Variants in SDK1 observed in about 807,000 individuals in gnomAD.
SDK1 encodes the protein protein sidekick-1.
Under a neutral mutation model 245.5 loss-of-function variants are expected in SDK1, and 157 were observed. The ratio of observed to expected loss-of-function variants is 0.64; its 90% CI spans 0.56 to 0.73. SDK1 has a LOEUF of 0.73. Ranked by LOEUF, SDK1 falls within the 30% of genes least tolerant of loss-of-function variation. SDK1 has a pLI of 0.00. For missense variants in SDK1, 3,583 were observed against 3,002.3 expected, an observed-to-expected ratio of 1.19 and a Z score of -4.52; for synonymous variants, 1,647 against 1,278.5, an observed-to-expected ratio of 1.29 and a Z score of -6.15.
At chr7:3,652,661 A>T (rs972146442) in intron 4 of SDK1, among the ~76,000 whole-genome samples, 5 of 152,216 alleles carry the variant, frequency 3.3e-5, no homozygotes, top group African/African-American at 9.6e-5. Context: ...CTAGGGAAAC[A>T]TGCCAGACTT....
chr7:4,055,560 T>G (rs1051680473), intron 19 of SDK1, among the ~76,000 whole-genome samples: 1 of 81,756 alleles, frequency 1.2e-5, no homozygotes, highest in Non-Finnish European at 2.1e-5. Context: ...GTTGTTTTTG[T>G]TTTTTGTTTT....
chr7:3,380,962 A>C (rs996027764), intron 1 of SDK1, among the ~76,000 whole-genome samples: 22 of 152,304 alleles, frequency 1.4e-4, no homozygotes, highest in African/African-American at 5.1e-4. Flanking sequence ...TGTTTTTCAA[A>C]CTGGAGCACA....
At chr7:4,243,580 A>G (rs944667901) in intron 43 of SDK1, among the ~76,000 whole-genome samples, 2 of 152,176 alleles carry the variant, frequency 1.3e-5, no homozygotes, top group African/African-American at 4.8e-5. Context: ...AGGCAAAGAG[A>G]GAGTTTGTGT....
intron 1 of SDK1, among the ~76,000 whole-genome samples, chr7:3,479,421 C>CAAAAAA (rs56094646): frequency 4.5e-5 from 3 of 66,570 alleles, no homozygotes; most frequent in South Asian, 6.3e-4. Flanking sequence ...GACTGTGTCT[C>CAAAAAA]AAAAAAAAAA....
intron 4 of SDK1, among the ~76,000 whole-genome samples, chr7:3,785,914 C>T (rs1384737522): frequency 1.3e-5 from 2 of 152,110 alleles, no homozygotes; most frequent in Non-Finnish European, 2.9e-5. Flanking sequence ...AGAAATATTC[C>T]TTGAGGAAAT....
At chr7:3,358,961 AT>A (rs1228463965) in intron 1 of SDK1, among the ~76,000 whole-genome samples, 1 of 152,180 alleles carries the variant, frequency 6.6e-6, no homozygotes, top group African/African-American at 2.4e-5. Context: ...TCCCAAGAAT[AT>A]CTTAATCACA....
At chr7:3,713,052 A>T (rs1018983655) in intron 4 of SDK1, among the ~76,000 whole-genome samples, 2 of 152,228 alleles carry the variant, frequency 1.3e-5, no homozygotes, top group Non-Finnish European at 2.9e-5. Context: ...TGGCTGGGGC[A>T]TGGCAGGGTG....
At position 4,041,752 on chromosome 7, in the gene SDK1, G is replaced by A. The variant is rs181868388; in HGVS notation, c.2603-7596G>A. ...TCACTGAGGAATGTTTAATGCATGCGTGTCGTGAAAACACAGCATATATAT... is the reference window on the plus strand; with the variant it reads ...TCACTGAGGAATGTTTAATGCATGCATGTCGTGAAAACACAGCATATATAT... On this transcript the variant is annotated intron_variant, in intron 17 of 44. Coordinates refer to ENST00000404826, the MANE Select transcript of SDK1 (RefSeq NM_152744.4). 5.3e-4 allele frequency among the ~76,000 whole-genome samples: 72 copies of A among 136,366 alleles called. 10 individuals carry two copies. Among genetic ancestry groups the A allele is most frequent in the Non-Finnish European group, 2.3e-4 (15 of 65,918 alleles). 89.5% of individuals were successfully genotyped at this position (136,366 alleles called of 152,430 possible).
At chr7:3,510,006 C>T (rs1182512718) in intron 1 of SDK1, among the ~76,000 whole-genome samples, 4 of 152,162 alleles carry the variant, frequency 2.6e-5, no homozygotes, top group Non-Finnish European at 5.9e-5. Flanking sequence ...CTTTCCAGAG[C>T]TCCCCAGGTA....
At chr7:3,654,762 G>A (rs796390633) in intron 4 of SDK1, among the ~76,000 whole-genome samples, 5 of 152,280 alleles carry the variant, frequency 3.3e-5, no homozygotes, top group Admixed American at 1.3e-4. Flanking sequence ...GGTTCCATTC[G>A]AGTTGGCCAT....
chr7:3,898,666 C>T (rs1194142638), intron 5 of SDK1, among the ~76,000 whole-genome samples: 2 of 151,986 alleles, frequency 1.3e-5, no homozygotes, highest in African/African-American at 2.4e-5. Flanking sequence ...ATGAGTCATC[C>T]GAATTAACAA....
Position 3,906,399 on chromosome 7 carries a change from T to A in SDK1, c.848-44524T>A, listed in dbSNP as rs540166429. Among the ~76,000 whole-genome samples, 559 of 150,018 alleles carry A rather than the reference T, an allele frequency of 3.7e-3. 3 individuals carry two copies. Among genetic ancestry groups the A allele is most frequent in the African/African-American group, 9.6e-3 (391 of 40,858 alleles). ...GTATGCGTATGTGTGTGTGTGTGTG[T>A]GAGAGAGAGAGAGAGACAGAGAGCG... On this transcript the variant is annotated intron_variant, in intron 5 of 44. Transcript: ENST00000404826.
intron 1 of SDK1, among the ~76,000 whole-genome samples, chr7:3,363,700 G>T (rs1367729565): frequency 6.6e-6 from 1 of 152,166 alleles, no homozygotes; most frequent in Non-Finnish European, 1.5e-5. Context: ...CACCTGTGCA[G>T]TTCACAGTAG....
intron 4 of SDK1, among the ~76,000 whole-genome samples, chr7:3,751,332 T>G (rs1779766526): frequency 6.6e-6 from 1 of 151,998 alleles, no homozygotes; most frequent in Non-Finnish European, 1.5e-5. Flanking sequence ...CTGTAAACCT[T>G]GAAGTCAGCA....
intron 40 of SDK1, among the ~76,000 whole-genome samples, chr7:4,232,415 T>TTC (rs1320737264): frequency 6.9e-6 from 1 of 144,380 alleles, no homozygotes; most frequent in Non-Finnish European, 1.5e-5. Flanking sequence ...TTCTTTCTTT[T>TTC]TTTTTTTTTT....
At chr7:3,519,859 A>G (rs1782877442) in intron 1 of SDK1, among the ~76,000 whole-genome samples, 1 of 152,188 alleles carries the variant, frequency 6.6e-6, no homozygotes, top group East Asian at 1.9e-4. Flanking sequence ...TTTAGTAAAA[A>G]GGATGTTAGT....
chr7:3,528,438 T>C (rs1783226444), intron 1 of SDK1, among the ~76,000 whole-genome samples: 1 of 151,878 alleles, frequency 6.6e-6, no homozygotes, highest in African/African-American at 2.4e-5. Context: ...TCCTAAGGTG[T>C]GAGAAAGTGC....
intron 1 of SDK1, among the ~76,000 whole-genome samples, chr7:3,508,631 C>T (rs188136140): frequency 6.6e-6 from 1 of 152,098 alleles, no homozygotes. Context: ...CCCAGCCTTA[C>T]ATCATCATTC....
chr7:4,121,873 T>G (rs752017383), intron 25 of SDK1, among the ~76,000 whole-genome samples: 56 of 152,338 alleles, frequency 3.7e-4, no homozygotes, highest in Admixed American at 7.2e-4. Flanking sequence ...TGTGTTTAAT[T>G]AGAAACTGGT....
Sources: gnomAD v4.1 joint callset for allele counts (sites outside exome capture counted in the v4.1 genomes callset) on GRCh38, gnomAD v4.1.1 for gene constraint, MANE v1.5 for transcripts, NCBI Gene and HGNC (gene_info 2026-07-23, HGNC 2026-07-21) for gene names.